Variants in FAM135A observed in about 807,000 individuals in gnomAD.
FAM135A encodes the protein protein FAM135A.
Under a neutral mutation model 146.8 loss-of-function variants are expected in FAM135A, and 79 were observed. That is an observed-to-expected ratio of 0.54 (90% CI 0.45 to 0.65). The LOEUF is 0.65. Among genes scored for constraint, FAM135A ranks in the 30% least tolerant of loss-of-function variants. FAM135A has a pLI of 0.00. For synonymous variants in FAM135A, 562 were observed against 603.6 expected (o/e 0.93, Z 1.01); for missense variants, 1,623 against 1,758.2 (o/e 0.92, Z 1.38).
At chr6:70,529,998 A>AGCTT (rs1264304359) in intron 16 of FAM135A, among the ~76,000 whole-genome samples, 4 of 152,152 alleles carry the variant, frequency 2.6e-5, no homozygotes, top group Admixed American at 2.6e-4. Context: ...TGGGAGGCGG[A>AGCTT]GCTTGCGGTG....
At chr6:70,465,700 A>G (rs1198834350) in intron 5 of FAM135A, among the ~76,000 whole-genome samples, 1 of 152,038 alleles carries the variant, frequency 6.6e-6, no homozygotes, top group Non-Finnish European at 1.5e-5. Context: ...TCTATTTTTA[A>G]TTTTTTGAGG....
chr6:70,423,786 AATATT>A (rs1307635228), intron 2 of FAM135A, among the ~76,000 whole-genome samples: 1 of 152,178 alleles, frequency 6.6e-6, no homozygotes, highest in African/African-American at 2.4e-5. Flanking sequence ...ACCTGTTGAT[AATATT>A]CCTATATTTC....
At chr6:70,491,146 A>G in intron 11 of FAM135A, 63 bp downstream of exon 11, 1 of 1,336,238 alleles carries the variant, frequency 7.5e-7, no homozygotes, top group Middle Eastern at 1.9e-4. Context: ...TCCTATTCTA[A>G]ATATTTTGTC....
At chr6:70,419,719 C>T (rs1562382536) in intron 2 of FAM135A, among the ~76,000 whole-genome samples, 1 of 152,164 alleles carries the variant, frequency 6.6e-6, no homozygotes, top group East Asian at 1.9e-4. Context: ...GTGTGTGAAT[C>T]TGCTGTTCCT....
intron 11 of FAM135A, among the ~76,000 whole-genome samples, chr6:70,499,039 C>T (rs1276884115): frequency 1.3e-5 from 2 of 151,970 alleles, no homozygotes; most frequent in Non-Finnish European, 2.9e-5. Context: ...TTGTTAATTG[C>T]CTGTCTCATT....
In FAM135A at chr6:70,522,398, T is replaced by C; in HGVS notation, c.1030-115T>C. 3.8e-6 allele frequency: 3 copies of C among 793,318 alleles called. No individual in the cohort carries two copies. The South Asian group carries it at 5.1e-5, about 13-fold the overall frequency. The allele number at this position is 793,318 out of a possible 1,614,324, so 49.1% of individuals were successfully genotyped here. Reference sequence around the variant, plus strand: ...TGAAGAGGGAGAAGGGAAGTTTAATTCTGACGGGTGATTGTGGAAGGCGTA... The same window carrying C: ...TGAAGAGGGAGAAGGGAAGTTTAATCCTGACGGGTGATTGTGGAAGGCGTA... On this transcript the variant is annotated intron_variant, in intron 12 of 21. Transcript: ENST00000418814.
intron 4 of FAM135A, among the ~76,000 whole-genome samples, chr6:70,437,613 G>A (rs527373878): frequency 6.6e-6 from 1 of 152,070 alleles, no homozygotes; most frequent in Non-Finnish European, 1.5e-5. Context: ...GAGATACTAT[G>A]AGAAAATACA....
chr6:70,442,432 G>A (rs549183124), intron 4 of FAM135A, among the ~76,000 whole-genome samples: 1 of 151,762 alleles, frequency 6.6e-6, no homozygotes, highest in African/African-American at 2.4e-5. Flanking sequence ...ATTTACGTGG[G>A]TCCAAAACCA....
chr6:70,526,378 G>A lies in FAM135A; in HGVS notation c.3294G>A (p.Gly1098=), dbSNP rs369265687. 8.9e-5 allele frequency: 143 copies of A among 1,613,444 alleles called. 1 individual carries two copies. Among genetic ancestry groups the A allele is most frequent in the South Asian group, 1.8e-4 (16 of 91,052 alleles). ...AGGATCAACAAATGGTTCAAAATGG[G>A]TACTATGAAGAAACAGATTATTCAG... ...EEQDQQMVQN[G]YYEETDYSAL... is the part of the protein sequence containing the mutation. Residue 1098 remains glycine (G), a synonymous_variant, in exon 15 of 22, where the codon GGG becomes GGA. Transcript: ENST00000418814.
At chr6:70,477,553 A>G (rs1782864870) in intron 8 of FAM135A, among the ~76,000 whole-genome samples, 1 of 152,112 alleles carries the variant, frequency 6.6e-6, no homozygotes, top group African/African-American at 2.4e-5. Flanking sequence ...ACATGGCCAG[A>G]GCAGGAGCAA....
At chr6:70,491,132 T>C in intron 11 of FAM135A, 49 bp downstream of exon 11, 3 of 1,397,594 alleles carry the variant, frequency 2.1e-6, no homozygotes, top group Non-Finnish European at 3.0e-6. Flanking sequence ...GAGTGGTTTC[T>C]GTTTCCTATT....
intron 4 of FAM135A, among the ~76,000 whole-genome samples, chr6:70,450,998 C>A (rs1241802396): frequency 2.0e-5 from 3 of 151,876 alleles, no homozygotes; most frequent in Non-Finnish European, 4.4e-5. Flanking sequence ...CTGCCTTGGC[C>A]TCCCAAAGTG....
At chr6:70,523,561 C>T (rs934836206) in intron 13 of FAM135A, among the ~76,000 whole-genome samples, 1 of 151,966 alleles carries the variant, frequency 6.6e-6, no homozygotes, top group Non-Finnish European at 1.5e-5. Context: ...TAAGTAGAAA[C>T]AGTAGAAATG....
At chr6:70,444,232 G>A (rs1187643207) in intron 4 of FAM135A, among the ~76,000 whole-genome samples, 1 of 151,974 alleles carries the variant, frequency 6.6e-6, no homozygotes, top group Admixed American at 6.6e-5. Context: ...GTGAAACTCT[G>A]TCTCTGCTAA....
At chr6:70,546,191 TAAATA>T (rs1187786428) in intron 20 of FAM135A, among the ~76,000 whole-genome samples, 5 of 152,158 alleles carry the variant, frequency 3.3e-5, no homozygotes, top group African/African-American at 1.2e-4. Context: ...ACAAATAAGT[TAAATA>T]AAACAGGAAA....
intron 5 of FAM135A, among the ~76,000 whole-genome samples, chr6:70,454,309 C>G (rs1777798678): frequency 6.6e-6 from 1 of 151,908 alleles, no homozygotes; most frequent in Non-Finnish European, 1.5e-5. Context: ...GGATATTAGC[C>G]CTTTGTCAGA....
chr6:70,509,202 G>A (rs749905401), intron 12 of FAM135A, among the ~76,000 whole-genome samples: 7 of 152,126 alleles, frequency 4.6e-5, no homozygotes, highest in Non-Finnish European at 1.0e-4. Flanking sequence ...GGAAGGTGGA[G>A]GTGGGAGGAT....
At chr6:70,444,276 G>A (rs534013321) in intron 4 of FAM135A, among the ~76,000 whole-genome samples, 4 of 152,086 alleles carry the variant, frequency 2.6e-5, no homozygotes, top group Non-Finnish European at 4.4e-5. Flanking sequence ...TGTGGCACAC[G>A]CCTGTAATCC....
intron 2 of FAM135A, among the ~76,000 whole-genome samples, chr6:70,415,663 G>A (rs1767403359): frequency 6.6e-6 from 1 of 152,040 alleles, no homozygotes; most frequent in South Asian, 2.1e-4. Flanking sequence ...TTATTTTTAG[G>A]TAAACATTCA....
Sources: gnomAD v4.1 joint callset for allele counts (sites outside exome capture counted in the v4.1 genomes callset) on GRCh38, gnomAD v4.1.1 for gene constraint, MANE v1.5 for transcripts, NCBI Gene and HGNC (gene_info 2026-07-23, HGNC 2026-07-21) for gene names.